QTMAN: variants seen among roughly 807,000 people sequenced by gnomAD.
The protein encoded by QTMAN is tRNA-queuosine alpha-mannosyltransferase.
the QTMAN span, among the ~76,000 whole-genome samples, chr2:144,056,484 C>A: frequency 6.6e-6 from 1 of 152,216 alleles, no homozygotes; most frequent in Non-Finnish European, 1.5e-5. Context: ...CTGACACACA[C>A]TGTACTTGTT....
the QTMAN span, among the ~76,000 whole-genome samples, chr2:144,266,870 G>T: frequency 3.3e-5 from 5 of 152,152 alleles, no homozygotes; most frequent in African/African-American, 1.2e-4. Context: ...ACATTTGTAA[G>T]TGTTTCACAA....
chr2:144,018,063 T>C, the QTMAN span, among the ~76,000 whole-genome samples: 1 of 152,202 alleles, frequency 6.6e-6, no homozygotes, highest in Non-Finnish European at 1.5e-5. Context: ...ATTATGTCTT[T>C]CCTATGATAC....
the QTMAN span, among the ~76,000 whole-genome samples, chr2:144,187,214 G>A: frequency 9.2e-5 from 14 of 152,258 alleles, no homozygotes; most frequent in African/African-American, 2.9e-4. Context: ...AAGAACAGAA[G>A]TTTATTTAGC....
the QTMAN span, among the ~76,000 whole-genome samples, chr2:144,284,562 C>A: frequency 3.3e-5 from 5 of 152,138 alleles, no homozygotes; most frequent in African/African-American, 9.6e-5. Flanking sequence ...TCCTCAATTT[C>A]TTTTCTATAA....
At chr2:144,102,087 A>G in the QTMAN span, among the ~76,000 whole-genome samples, 1 of 152,366 alleles carries the variant, frequency 6.6e-6, no homozygotes, top group African/African-American at 2.4e-5. Flanking sequence ...AGACTTAAAC[A>G]ACTGAGTAAC....
chr2:144,159,110 T>A, the QTMAN span, among the ~76,000 whole-genome samples: 1 of 151,978 alleles, frequency 6.6e-6, no homozygotes, highest in African/African-American at 2.4e-5. Flanking sequence ...AAACTGCAGA[T>A]CATAAAAAAT....
the QTMAN span, among the ~76,000 whole-genome samples, chr2:144,064,297 C>G: frequency 6.6e-6 from 1 of 152,186 alleles, no homozygotes; most frequent in Admixed American, 6.5e-5. Flanking sequence ...TTCTACATTA[C>G]CTACATTCTG....
chr2:144,141,311 A>T, the QTMAN span, among the ~76,000 whole-genome samples: 2 of 151,932 alleles, frequency 1.3e-5, no homozygotes, highest in Admixed American at 6.6e-5. Context: ...TGGGCCCAGC[A>T]GCAAGGGTAA....
the QTMAN span, among the ~76,000 whole-genome samples, chr2:144,003,497 C>T: frequency 6.6e-6 from 1 of 150,980 alleles, no homozygotes; most frequent in Non-Finnish European, 1.5e-5. Context: ...TTCTACTAAC[C>T]GTGCCTTGCT....
the QTMAN span, chr2:144,145,806 TC>T: frequency 7.6e-6 from 10 of 1,322,754 alleles, no homozygotes; most frequent in Admixed American, 2.0e-4. Flanking sequence ...TTTGCTCTTC[TC>T]TCCTCTTTCC....
At chr2:144,319,077 C>A in the QTMAN span, among the ~76,000 whole-genome samples, 5 of 152,102 alleles carry the variant, frequency 3.3e-5, no homozygotes, top group Non-Finnish European at 7.4e-5. Context: ...TACCTGCTTG[C>A]CAAATCATTT....
chr2:144,285,814 G>A, the QTMAN span, among the ~76,000 whole-genome samples: 1 of 152,174 alleles, frequency 6.6e-6, no homozygotes, highest in Non-Finnish European at 1.5e-5. Flanking sequence ...AGAGAATATA[G>A]ATAATCAGGT....
At chr2:143,974,623 T>G in the QTMAN span, among the ~76,000 whole-genome samples, 2 of 152,210 alleles carry the variant, frequency 1.3e-5, no homozygotes. Flanking sequence ...CAAATGAATG[T>G]GTATGTCTAG....
At chr2:143,947,047 A>G in the QTMAN span, 1 of 1,599,894 alleles carries the variant, frequency 6.3e-7, no homozygotes, top group Non-Finnish European at 8.6e-7. Flanking sequence ...ACTTAGCCCC[A>G]TCTGTCACAA....
At chr2:144,211,230 G>A in the QTMAN span, 4 of 152,284 alleles carry the variant, frequency 2.6e-5, no homozygotes, top group East Asian at 7.7e-4. Context: ...CACTAAGCAT[G>A]TGGGAGGCTG....
the QTMAN span, among the ~76,000 whole-genome samples, chr2:143,963,149 G>C: frequency 6.6e-6 from 1 of 152,082 alleles, no homozygotes; most frequent in Non-Finnish European, 1.5e-5. Flanking sequence ...CCTATACATA[G>C]GGGAAAGTAA....
chr2:144,063,557 A>C, the QTMAN span, among the ~76,000 whole-genome samples: 3 of 152,224 alleles, frequency 2.0e-5, no homozygotes, highest in Non-Finnish European at 4.4e-5. Context: ...TGTACAATTT[A>C]TGTTGCTTAA....
At chr2:144,211,897 T>C in the QTMAN span, among the ~76,000 whole-genome samples, 6 of 152,180 alleles carry the variant, frequency 3.9e-5, no homozygotes, top group African/African-American at 9.6e-5. Flanking sequence ...AAGAAGCATG[T>C]AGGGTGAATA....
chr2:144,047,553 TCTAC>T, the QTMAN span, among the ~76,000 whole-genome samples: 5 of 152,176 alleles, frequency 3.3e-5, no homozygotes, highest in Admixed American at 1.3e-4. Context: ...TGAAGCTCTC[TCTAC>T]CTACCTACCT....
Sources: gnomAD v4.1 joint callset for allele counts (sites outside exome capture counted in the v4.1 genomes callset) on GRCh38, gnomAD v4.1.1 for gene constraint, MANE v1.5 for transcripts, NCBI Gene and HGNC (gene_info 2026-07-23, HGNC 2026-07-21) for gene names.